Variants in BCAS1 observed in about 807,000 individuals in gnomAD.
BCAS1 encodes the protein breast carcinoma-amplified sequence 1.
A neutral mutation model predicts 65.4 loss-of-function variants in BCAS1; 46 were observed. That is an observed-to-expected ratio of 0.70 (90% confidence interval 0.55 to 0.90). BCAS1 has a LOEUF of 0.90. BCAS1 is among the 40% of genes least tolerant of loss of function. The probability of loss-of-function intolerance (pLI) is 0.00; values close to 1 mark genes in which losing one functional copy is unlikely to be tolerated. For missense variants in BCAS1, 793 were observed against 771.2 expected, an observed-to-expected ratio of 1.03 and a Z score of -0.33; for synonymous variants, 298 against 293.5, an observed-to-expected ratio of 1.02 and a Z score of -0.16.
intron 2 of BCAS1, 54 bp downstream of exon 2, chr20:54,058,593 C>CTTTTTTTTTTTTTTTT: frequency 1.6e-6 from 2 of 1,223,986 alleles, no homozygotes; most frequent in Non-Finnish European, 1.1e-6. Flanking sequence ...ACAGGAAGTT[C>CTTTTTTTTTTTTTTTT]TTTTTTTTTT....
Position 53,953,421 on chromosome 20 carries a change from A to C in BCAS1, c.1815+11T>G. 1.2e-6 allele frequency: 2 copies of C among 1,612,212 alleles called. No homozygotes were observed. Among genetic ancestry groups the C allele is most frequent in the Non-Finnish European group, 1.7e-6 (2 of 1,179,218 alleles). On this transcript the variant is annotated intron_variant, in intron 12 of 12. Coordinates refer to ENST00000688948, the MANE Select transcript of BCAS1 (RefSeq NM_001366298.2). ...GAGCCCAGAAAGAAGAGGCAAAAAAAATCCACCTACCAGGCCTTTAAAGAA... is the reference window on the plus strand; with the variant it reads ...GAGCCCAGAAAGAAGAGGCAAAAAACATCCACCTACCAGGCCTTTAAAGAA...
chr20:54,014,338 A>G (rs1338534252), intron 4 of BCAS1, among the ~76,000 whole-genome samples: 2 of 152,222 alleles, frequency 1.3e-5, no homozygotes, highest in Non-Finnish European at 2.9e-5. Flanking sequence ...GAGCAAACAG[A>G]TAGGAACACT....
intron 4 of BCAS1, among the ~76,000 whole-genome samples, chr20:54,018,616 G>A (rs113252769): frequency 3.3e-5 from 5 of 152,108 alleles, no homozygotes; most frequent in East Asian, 1.9e-4. Context: ...GATTACAGGC[G>A]TGAGCCACCG....
chr20:53,995,761 G>A, intron 5 of BCAS1, 131 bp downstream of exon 5: 1 of 1,071,854 alleles, frequency 9.3e-7, no homozygotes, highest in South Asian at 2.1e-5. Flanking sequence ...TCTTGTCCCT[G>A]TTCTCTCCCA....
chr20:53,970,941 A>G (rs2088352695), intron 9 of BCAS1, among the ~76,000 whole-genome samples: 1 of 151,944 alleles, frequency 6.6e-6, no homozygotes, highest in Admixed American at 6.6e-5. Flanking sequence ...TCTACTCAGT[A>G]ACTATTCTCT....
At chr20:54,020,421 T>A (rs762562067) in intron 4 of BCAS1, among the ~76,000 whole-genome samples, 2 of 152,238 alleles carry the variant, frequency 1.3e-5, no homozygotes, top group Admixed American at 6.5e-5. Context: ...AGTACAAATG[T>A]AGACTTGTAC....
intron 4 of BCAS1, among the ~76,000 whole-genome samples, chr20:54,000,083 A>G (rs1476416477): frequency 2.0e-5 from 3 of 152,184 alleles, no homozygotes; most frequent in African/African-American, 7.2e-5. Flanking sequence ...TTAAGTTGCT[A>G]TAATATATCC....
At chr20:53,982,297 A>G (rs952926644) in intron 8 of BCAS1, among the ~76,000 whole-genome samples, 1 of 152,234 alleles carries the variant, frequency 6.6e-6, no homozygotes, top group South Asian at 2.1e-4. Context: ...AATCCAATTT[A>G]CTCAGAACAA....
At chr20:53,992,674 A>T (rs1220836318) in intron 6 of BCAS1, 28 bp from the exon 7 acceptor site, 1 of 1,364,170 alleles carries the variant, frequency 7.3e-7, no homozygotes, top group Admixed American at 1.9e-5. Flanking sequence ...TCACAACCTC[A>T]GAACTTTGTT....
rs1286043112 is a variant in BCAS1 at position 54,041,313 on chromosome 20, T to C, written c.143-12341A>G. Among the ~76,000 whole-genome samples, 2 of 151,306 alleles carry C rather than the reference T, an allele frequency of 1.3e-5. 1 individual carries two copies. Among genetic ancestry groups the C allele is most frequent in the Non-Finnish European group, 3.0e-5 (2 of 67,636 alleles). The stretch of plus-strand genomic sequence containing the variant: ...CGGAATTGTCACTCTAAAAGGTGAA[T>C]TTTATGGTAGGTGAATTGTACCTCA... On this transcript the variant is annotated intron_variant, in intron 3 of 12. Coordinates refer to ENST00000688948, the MANE Select transcript of BCAS1 (RefSeq NM_001366298.2).
At chr20:54,028,341 CG>C in intron 4 of BCAS1, 50 bp downstream of exon 4, 1 of 1,592,442 alleles carries the variant, frequency 6.3e-7, no homozygotes, top group African/African-American at 1.3e-5. Flanking sequence ...ATCCCATTAG[CG>C]CCCCCGAGCA....
At chr20:53,950,237 AC>A (rs2089472259) in intron 12 of BCAS1, among the ~76,000 whole-genome samples, 1 of 151,446 alleles carries the variant, frequency 6.6e-6, no homozygotes, top group Non-Finnish European at 1.5e-5. Flanking sequence ...CTCAGCAACC[AC>A]GGCCTTGTTT....
chr20:54,043,225 C>A (rs1480031597), intron 3 of BCAS1, among the ~76,000 whole-genome samples: 1 of 152,104 alleles, frequency 6.6e-6, no homozygotes, highest in Non-Finnish European at 1.5e-5. Context: ...GCCTGGAGAG[C>A]CCACAAATCT....
At chr20:53,973,680 C>T (rs1163196159) in intron 9 of BCAS1, among the ~76,000 whole-genome samples, 1 of 152,150 alleles carries the variant, frequency 6.6e-6, no homozygotes, top group African/African-American at 2.4e-5. Context: ...CTTGTGGAGT[C>T]CTCCTTGTAG....
At chr20:54,052,505 T>C (rs749172228) in intron 3 of BCAS1, among the ~76,000 whole-genome samples, 10 of 152,346 alleles carry the variant, frequency 6.6e-5, no homozygotes, top group Non-Finnish European at 1.5e-4. Flanking sequence ...AATTCATATG[T>C]TGAAACTTAG....
intron 3 of BCAS1, among the ~76,000 whole-genome samples, chr20:54,041,108 A>G (rs1296175206): frequency 1.3e-5 from 2 of 151,428 alleles, no homozygotes; most frequent in South Asian, 2.1e-4. Context: ...TTCCATTTAT[A>G]TAAAGTGTCT....
At chr20:54,030,572 G>T (rs1234355980) in intron 3 of BCAS1, among the ~76,000 whole-genome samples, 1 of 141,110 alleles carries the variant, frequency 7.1e-6, no homozygotes, top group Non-Finnish European at 1.6e-5. Flanking sequence ...TATTCATACT[G>T]CTCATTAATA....
Position 53,985,488 on chromosome 20 carries a change from C to A in BCAS1, c.1074G>T (p.Lys358Asn), listed in dbSNP as rs1418578883. ...RKFFRHKGAE[K>N]SPTTSADLKS... The stretch of plus-strand genomic sequence containing the variant: ...TAAGGTCAGCTGAAGTGGTGGGTGA[C>A]TTTTCAGCACCCTAAAGAGTTAAAA... The change falls in exon 8 of 13, where the codon AAG (lysine) becomes AAT (asparagine). Residue 358 changes from lysine to asparagine, a missense_variant. Physicochemically the swap from Lys to Asn is moderately conservative, Grantham distance 94. Coordinates refer to ENST00000688948, the MANE Select transcript of BCAS1 (RefSeq NM_001366298.2). The A allele has an allele frequency of 6.2e-7, 1 of 1,613,714 alleles. No individual in the cohort carries two copies. The highest frequency in any genetic ancestry group is 8.5e-7 in the Non-Finnish European group (1 of 1,179,886).
chr20:54,061,677 A>G (rs1215851895), intron 1 of BCAS1, among the ~76,000 whole-genome samples: 1 of 152,176 alleles, frequency 6.6e-6, no homozygotes, highest in African/African-American at 2.4e-5. Flanking sequence ...TTAATACATA[A>G]CCAAATCTGG....
Sources: allele counts gnomAD v4.1 joint callset (sites outside exome capture counted in the v4.1 genomes callset), GRCh38; gene constraint gnomAD v4.1.1; transcripts MANE v1.5; gene names NCBI Gene and HGNC (gene_info 2026-07-23, HGNC 2026-07-21).